The following OPCML variants were observed in gnomAD, a reference collection of about 807,000 sequenced individuals.
The protein encoded by OPCML is opioid binding protein/cell adhesion molecule like, also known as opioid-binding protein/cell adhesion molecule.
OPCML carries 13 observed loss-of-function variants against 37.8 expected under a neutral mutation model. That is an observed-to-expected ratio of 0.34 (90% confidence interval 0.22 to 0.55). The LOEUF (loss-of-function observed/expected upper bound fraction) is 0.55, where lower values mean the gene tolerates loss of function less well. Ranked by LOEUF, OPCML falls within the 20% of genes least tolerant of loss-of-function variation. The probability of loss-of-function intolerance (pLI) is 0.91; values close to 1 mark genes in which losing one functional copy is unlikely to be tolerated. For missense variants in OPCML, 341 were observed against 435.6 expected, an observed-to-expected ratio of 0.78 and a Z score of 1.93; for synonymous variants, 176 against 168.8, an observed-to-expected ratio of 1.04 and a Z score of -0.33.
intron 2 of OPCML, among the ~76,000 whole-genome samples, chr11:132,783,671 C>T (rs1433447131): frequency 1.3e-5 from 2 of 152,080 alleles, no homozygotes; most frequent in Non-Finnish European, 2.9e-5. Context: ...CTCCCAAAGG[C>T]ATCAGTAAGT....
chr11:133,169,029 T>A (rs950419559), intron 1 of OPCML, among the ~76,000 whole-genome samples: 2 of 151,918 alleles, frequency 1.3e-5, no homozygotes, highest in African/African-American at 4.8e-5. Flanking sequence ...ACTTGGGAGG[T>A]TGAGGCAGGA....
intron 1 of OPCML, among the ~76,000 whole-genome samples, chr11:133,274,650 G>T (rs1190415276): frequency 4.6e-5 from 7 of 152,282 alleles, no homozygotes; most frequent in Non-Finnish European, 1.5e-5. Context: ...ACAGCCCCTC[G>T]GTGCTGGGCT....
intron 3 of OPCML, among the ~76,000 whole-genome samples, chr11:132,635,532 G>GAA (rs1303634977): frequency 3.6e-3 from 330 of 92,564 alleles, no homozygotes; most frequent in South Asian, 7.7e-3. Context: ...TTTATTCAAG[G>GAA]AAAAAAAAAA....
intron 2 of OPCML, chr11:132,860,861 A>C (rs938855436): frequency 2.0e-5 from 3 of 152,212 alleles, no homozygotes; most frequent in African/African-American, 7.2e-5. Context: ...GTTATGACAT[A>C]ATAGAAGGCA....
chr11:133,227,608 A>C (rs1482732385), intron 1 of OPCML, among the ~76,000 whole-genome samples: 1 of 152,130 alleles, frequency 6.6e-6, no homozygotes, highest in African/African-American at 2.4e-5. Flanking sequence ...AGAATTGCTC[A>C]GAAAATCACA....
At chr11:132,797,345 A>AT (rs781115115) in intron 2 of OPCML, among the ~76,000 whole-genome samples, 1 of 152,272 alleles carries the variant, frequency 6.6e-6, no homozygotes, top group Admixed American at 6.5e-5. Flanking sequence ...TCCCCATCCC[A>AT]TTTTTTGTAA....
chr11:133,041,483 G>T (rs76379433), intron 1 of OPCML, among the ~76,000 whole-genome samples: 2,985 of 152,248 alleles, frequency 0.02, 85 homozygotes, highest in African/African-American at 0.067. Context: ...CAATTGCCTG[G>T]AAGCACTTTC....
At chr11:133,135,404 G>A (rs935743290) in intron 1 of OPCML, among the ~76,000 whole-genome samples, 6 of 151,542 alleles carry the variant, frequency 4.0e-5, no homozygotes, top group African/African-American at 1.5e-4. Flanking sequence ...TGTGCAAGAG[G>A]TGGGTGTGTT....
chr11:133,273,845 A>C (rs1941918784), intron 1 of OPCML, among the ~76,000 whole-genome samples: 1 of 152,232 alleles, frequency 6.6e-6, no homozygotes, highest in South Asian at 2.1e-4. Context: ...CAATCAGGAA[A>C]AATCTCACGA....
chr11:133,101,868 G>T (rs1283391294), intron 1 of OPCML, among the ~76,000 whole-genome samples: 3 of 152,000 alleles, frequency 2.0e-5, no homozygotes, highest in Non-Finnish European at 4.4e-5. Context: ...CCAGGCACTG[G>T]AATATTATAG....
At chr11:133,286,946 G>C (rs1160229088) in intron 1 of OPCML, among the ~76,000 whole-genome samples, 1 of 152,156 alleles carries the variant, frequency 6.6e-6, no homozygotes, top group Non-Finnish European at 1.5e-5. Flanking sequence ...AGAATTAAAG[G>C]GCAAGGGCAA....
intron 1 of OPCML, among the ~76,000 whole-genome samples, chr11:133,523,644 G>T (rs559737655): frequency 4.0e-4 from 61 of 152,266 alleles, no homozygotes; most frequent in African/African-American, 1.4e-3. Context: ...AGACCAAAAT[G>T]ATTCACATGA....
At chr11:133,532,200 C>G (rs1948620822) in intron 1 of OPCML, 64 bp downstream of exon 1, 1 of 1,580,554 alleles carries the variant, frequency 6.3e-7, no homozygotes, top group Non-Finnish European at 8.6e-7. Context: ...TCCCCACTGC[C>G]TCTCCTGCTC....
At chr11:132,625,924 C>T (rs570517800) in intron 3 of OPCML, among the ~76,000 whole-genome samples, 59 of 152,130 alleles carry the variant, frequency 3.9e-4, no homozygotes, top group South Asian at 2.5e-3. Context: ...GCTGTCTTCT[C>T]CATGCATATT....
intron 2 of OPCML, among the ~76,000 whole-genome samples, chr11:132,769,239 TG>T (rs1565848892): frequency 7.3e-5 from 10 of 137,798 alleles, no homozygotes; most frequent in East Asian, 1.9e-4. Flanking sequence ...TTGGTTTGTT[TG>T]TTGTTTTTTT....
At chr11:132,433,560 A>G (rs1399818059) in intron 7 of OPCML, among the ~76,000 whole-genome samples, 2 of 152,164 alleles carry the variant, frequency 1.3e-5, no homozygotes, top group Non-Finnish European at 2.9e-5. Flanking sequence ...TGGGATGTAA[A>G]TGTCTGCCTG....
intron 2 of OPCML, among the ~76,000 whole-genome samples, chr11:132,815,891 C>T (rs1261325785): frequency 1.3e-5 from 2 of 152,196 alleles, no homozygotes; most frequent in East Asian, 3.9e-4. Context: ...ATGTGTCTTG[C>T]TGCAAAGCAG....
chr11:133,286,188 C>A (rs937663803), intron 1 of OPCML, among the ~76,000 whole-genome samples: 1 of 152,100 alleles, frequency 6.6e-6, no homozygotes, highest in African/African-American at 2.4e-5. Flanking sequence ...CGGTGGCTCA[C>A]GCCTGCAATT....
At chr11:133,034,383 G>A (rs1000051980) in intron 1 of OPCML, among the ~76,000 whole-genome samples, 4 of 151,860 alleles carry the variant, frequency 2.6e-5, no homozygotes, top group African/African-American at 9.7e-5. Context: ...ATGCATGCAA[G>A]TGCTGTATAT....
Sources: allele counts gnomAD v4.1 joint callset (sites outside exome capture counted in the v4.1 genomes callset), GRCh38; gene constraint gnomAD v4.1.1; transcripts MANE v1.5; gene names NCBI Gene and HGNC (gene_info 2026-07-23, HGNC 2026-07-21).